The following FGF14 variants were observed in gnomAD, a reference collection of about 807,000 sequenced individuals.
FGF14 encodes fibroblast growth factor homologous factor 4.
A neutral mutation model predicts 25.5 loss-of-function variants in FGF14; 5 were observed. That is an observed-to-expected ratio of 0.20 (90% confidence interval 0.10 to 0.41). The LOEUF (loss-of-function observed/expected upper bound fraction) is 0.41. Ranked by LOEUF, FGF14 falls within the 10% of genes least tolerant of loss-of-function variation. The pLI is 1.00. For missense variants in FGF14, 222 were observed against 320.1 expected (o/e 0.69, Z 2.34); for synonymous variants, 138 against 118.3 (o/e 1.17, Z -1.08).
intron 1 of FGF14, among the ~76,000 whole-genome samples, chr13:102,323,705 C>T (rs1372127663): frequency 1.3e-5 from 2 of 152,136 alleles, no homozygotes; most frequent in African/African-American, 4.8e-5. Context: ...AAATGACCTA[C>T]AATAATCAAT....
chr13:101,970,996 T>C (rs1365307518), intron 1 of FGF14, among the ~76,000 whole-genome samples: 1 of 152,164 alleles, frequency 6.6e-6, no homozygotes, highest in East Asian at 1.9e-4. Context: ...CCTATGCATA[T>C]GCACATAGTT....
At chr13:102,243,276 C>G (rs538605478) in intron 1 of FGF14, among the ~76,000 whole-genome samples, 97 of 152,180 alleles carry the variant, frequency 6.4e-4, no homozygotes, top group African/African-American at 2.2e-3. Context: ...AGCAGCTTAG[C>G]TTTTACCATC....
chr13:102,068,515 C>T (rs2043000618), intron 1 of FGF14, among the ~76,000 whole-genome samples: 1 of 152,142 alleles, frequency 6.6e-6, no homozygotes, highest in East Asian at 1.9e-4. Context: ...ACAGTGCTTG[C>T]GGGCCAGCTG....
intron 1 of FGF14, among the ~76,000 whole-genome samples, chr13:102,133,057 C>A (rs1466309245): frequency 6.6e-6 from 1 of 152,186 alleles, no homozygotes; most frequent in Non-Finnish European, 1.5e-5. Context: ...CCATCTCCTA[C>A]AATTATATTG....
chr13:102,215,270 C>T (rs1326752362), intron 1 of FGF14, among the ~76,000 whole-genome samples: 2 of 152,204 alleles, frequency 1.3e-5, no homozygotes, highest in Non-Finnish European at 2.9e-5. Context: ...TGCTCCAGCA[C>T]TGGATACATC....
At chr13:102,361,212 T>G (rs918486599) in intron 1 of FGF14, among the ~76,000 whole-genome samples, 3 of 152,118 alleles carry the variant, frequency 2.0e-5, no homozygotes, top group African/African-American at 7.2e-5. Flanking sequence ...AAAGCAAATG[T>G]CATCATCAAC....
chr13:101,812,630 TATATATATATATATATA>T (rs2041596280), intron 3 of FGF14, among the ~76,000 whole-genome samples: 1 of 11,392 alleles, frequency 8.8e-5, no homozygotes, highest in Non-Finnish European at 2.6e-4. Context: ...TATATATATA[TATATATATATATATATA>T]TATATATTTT....
At chr13:102,396,050 A>G (rs150741483) in intron 1 of FGF14, among the ~76,000 whole-genome samples, 38 of 152,314 alleles carry the variant, frequency 2.5e-4, no homozygotes, top group Non-Finnish European at 3.7e-4. Flanking sequence ...GGGAGCTGAG[A>G]AGTCTCCCTC....
chr13:101,944,778 C>T (rs564891629), intron 1 of FGF14, among the ~76,000 whole-genome samples: 29 of 152,082 alleles, frequency 1.9e-4, no homozygotes, highest in South Asian at 4.1e-4. Context: ...GTGGAATAAG[C>T]CAGTCACAAT....
chr13:101,711,681 G>A lies in FGF14; in HGVS notation c.*11150C>T, dbSNP rs1178667054. ...TATTCTCTCTTCCATTCTCATCTTT[G>A]AAGGTAAAATTTCATTTCTTTCCCC... On this transcript the variant is annotated 3_prime_UTR_variant, in exon 5 of 5. Transcript: ENST00000376143. 5.9e-5 allele frequency: 9 copies of A among 152,142 alleles called. No individual in the cohort carries two copies. Among genetic ancestry groups the A allele is most frequent in the Non-Finnish European group, 1.3e-4 (9 of 68,028 alleles). The allele number at this position is 152,142 out of a possible 1,614,324, so 9.4% of individuals were successfully genotyped here.
chr13:102,364,701 A>G (rs754482368), intron 1 of FGF14, among the ~76,000 whole-genome samples: 4 of 152,222 alleles, frequency 2.6e-5, no homozygotes, highest in Non-Finnish European at 5.9e-5. Flanking sequence ...GTTTTCAACA[A>G]AAGGCATCCA....
intron 1 of FGF14, among the ~76,000 whole-genome samples, chr13:101,972,000 A>G (rs1273581388): frequency 2.6e-5 from 4 of 152,224 alleles, no homozygotes; most frequent in Non-Finnish European, 5.9e-5. Flanking sequence ...AAGTGGGCGG[A>G]GACAGGAGCA....
At chr13:102,025,157 T>C (rs2040861175) in intron 1 of FGF14, among the ~76,000 whole-genome samples, 1 of 151,874 alleles carries the variant, frequency 6.6e-6, no homozygotes, top group Non-Finnish European at 1.5e-5. Context: ...TTCAAGACTG[T>C]TTCGGCTATA....
intron 1 of FGF14, among the ~76,000 whole-genome samples, chr13:102,203,284 C>T (rs1033770600): frequency 1.3e-5 from 2 of 152,200 alleles, no homozygotes; most frequent in African/African-American, 4.8e-5. Flanking sequence ...AAAAGAGAAT[C>T]TGCTTTGTAA....
chr13:101,736,648 G>A (rs945848596), intron 3 of FGF14, among the ~76,000 whole-genome samples: 1 of 152,092 alleles, frequency 6.6e-6, no homozygotes, highest in East Asian at 1.9e-4. Flanking sequence ...CCAATTAAAG[G>A]AGAGCTAAGG....
chr13:102,087,344 G>T (rs1171969915), intron 1 of FGF14, among the ~76,000 whole-genome samples: 1 of 151,540 alleles, frequency 6.6e-6, no homozygotes, highest in Non-Finnish European at 1.5e-5. Flanking sequence ...CTAGCAATGG[G>T]ACCTGGGGCA....
intron 1 of FGF14, among the ~76,000 whole-genome samples, chr13:102,236,370 G>C (rs934528664): frequency 4.6e-5 from 7 of 152,162 alleles, no homozygotes; most frequent in Non-Finnish European, 5.9e-5. Context: ...ACAGGCCTTT[G>C]CAGAAGGAAA....
chr13:101,968,411 T>C (rs751101795), intron 1 of FGF14, among the ~76,000 whole-genome samples: 7 of 152,022 alleles, frequency 4.6e-5, no homozygotes, highest in African/African-American at 9.7e-5. Flanking sequence ...TGGTGGCTCA[T>C]GCCTGTAATC....
chr13:102,388,905 A>C (rs1031113271), intron 1 of FGF14, among the ~76,000 whole-genome samples: 1 of 152,198 alleles, frequency 6.6e-6, no homozygotes. Flanking sequence ...ACCCCAAAAT[A>C]TGATTTCACT....
Sources: gnomAD v4.1 joint callset for allele counts (sites outside exome capture counted in the v4.1 genomes callset) on GRCh38, gnomAD v4.1.1 for gene constraint, MANE v1.5 for transcripts, NCBI Gene and HGNC (gene_info 2026-07-23, HGNC 2026-07-21) for gene names.